MARK1: variants seen among roughly 807,000 people sequenced by gnomAD.
MARK1 encodes the protein microtubule affinity regulating kinase 1.
In MARK1, 40 loss-of-function variants were observed where a neutral mutation model predicts 96.3. That is an observed-to-expected ratio of 0.42 (90% CI 0.32 to 0.54). MARK1 has a LOEUF of 0.54. Among genes scored for constraint, MARK1 ranks in the 20% least tolerant of loss-of-function variants. The probability of loss-of-function intolerance (pLI) is 0.16; values close to 1 mark genes in which losing one functional copy is unlikely to be tolerated. For synonymous variants in MARK1, 317 were observed against 341.2 expected (o/e 0.93, Z 0.78); for missense variants, 719 against 984.6 (o/e 0.73, Z 3.61).
At chr1:220,615,299 G>A (rs1666676443) in intron 6 of MARK1, among the ~76,000 whole-genome samples, 1 of 152,090 alleles carries the variant, frequency 6.6e-6, no homozygotes. Flanking sequence ...TCAAGTTACA[G>A]GCATAGAATA....
intron 3 of MARK1, among the ~76,000 whole-genome samples, chr1:220,586,884 A>T (rs1664661923): frequency 6.6e-6 from 1 of 152,180 alleles, no homozygotes; most frequent in African/African-American, 2.4e-5. Context: ...AAACTAGTCT[A>T]TTTTTAATTT....
At chr1:220,579,013 T>A (rs961412539) in intron 1 of MARK1, among the ~76,000 whole-genome samples, 1 of 151,984 alleles carries the variant, frequency 6.6e-6, no homozygotes, top group African/African-American at 2.4e-5. Flanking sequence ...CGGCTAATTT[T>A]TGTGTTTTTG....
At chr1:220,535,610 TCTC>T (rs1468353585) in intron 1 of MARK1, among the ~76,000 whole-genome samples, 2 of 152,194 alleles carry the variant, frequency 1.3e-5, no homozygotes, top group African/African-American at 4.8e-5. Flanking sequence ...ATGAAGCTCT[TCTC>T]CTATGTTTTC....
At chr1:220,653,036 T>C in intron 15 of MARK1, 65 bp from the exon 16 acceptor site, 1 of 1,577,524 alleles carries the variant, frequency 6.3e-7, no homozygotes. Context: ...GTTTCAAGTT[T>C]TTAGCTTGAG....
chr1:220,558,824 G>A (rs1662470279), intron 1 of MARK1, among the ~76,000 whole-genome samples: 1 of 152,016 alleles, frequency 6.6e-6, no homozygotes. Flanking sequence ...TTACTCAATG[G>A]AAATGTATAG....
At chr1:220,634,730 C>T (rs1572209965) in intron 11 of MARK1, among the ~76,000 whole-genome samples, 1 of 152,114 alleles carries the variant, frequency 6.6e-6, no homozygotes, top group African/African-American at 2.4e-5. Context: ...TTGCTGGCAG[C>T]AAACAACTTG....
chr1:220,574,618 ACTTCCCTT>A (rs1362234198), intron 1 of MARK1, among the ~76,000 whole-genome samples: 1 of 152,152 alleles, frequency 6.6e-6, no homozygotes, highest in East Asian at 1.9e-4. Flanking sequence ...TCAATGATCA[ACTTCCCTT>A]AAGACTTTGC....
intron 1 of MARK1, among the ~76,000 whole-genome samples, chr1:220,548,283 T>C (rs1661633924): frequency 6.6e-6 from 1 of 152,250 alleles, no homozygotes; most frequent in Non-Finnish European, 1.5e-5. Flanking sequence ...TCATAAAATT[T>C]CAATGTACTT....
chr1:220,643,729 G>C (rs1012190567), intron 13 of MARK1, among the ~76,000 whole-genome samples: 1 of 152,230 alleles, frequency 6.6e-6, no homozygotes, highest in Non-Finnish European at 1.5e-5. Flanking sequence ...GGACCTGTCA[G>C]TGTAAACCCT....
Position 220,616,166 on chromosome 1 carries a change from G to C in MARK1, c.552+171G>C, listed in dbSNP as rs529087209. The stretch of plus-strand genomic sequence containing the variant: ...TTATGAAAGGTAATATTTTCACTGA[G>C]CAAATGAAGAAAATATGAGTGATAA... On this transcript the variant is annotated intron_variant, in intron 7 of 17. Transcript: ENST00000366917. 3.9e-5 allele frequency among the ~76,000 whole-genome samples: 6 copies of C among 152,206 alleles called. No homozygotes were observed. The East Asian group carries it at 1.2e-3, about 29-fold the overall frequency.
At position 220,581,092 on chromosome 1, in the gene MARK1, C is replaced by A; in HGVS notation, c.283C>A (p.Gln95Lys). Residue 95 changes from glutamine to lysine, a missense_variant, in exon 3 of 18, where the codon CAG becomes AAG. By Grantham distance (53) the Gln-to-Lys change is moderately conservative (BLOSUM62 1). Coordinates refer to ENST00000366917, the MANE Select transcript of MARK1 (RefSeq NM_018650.5). ...TGCTGTGAAAATAATAGACAAAACTCAGCTAAATCCTACCAGTCTACAAAA... is the reference window on the plus strand; with the variant it reads ...TGCTGTGAAAATAATAGACAAAACTAAGCTAAATCCTACCAGTCTACAAAA... ...EVAVKIIDKT[Q>K]LNPTSLQKLF... is the part of the protein sequence containing the mutation. The A allele has an allele frequency of 7.8e-7, 1 of 1,287,002 alleles. No individual in the cohort carries two copies. The highest frequency in any genetic ancestry group is 2.7e-5 in the East Asian group (1 of 37,258). 79.7% of individuals were successfully genotyped at this position (1,287,002 alleles called of 1,614,324 possible).
intron 13 of MARK1, among the ~76,000 whole-genome samples, chr1:220,648,810 C>G (rs1195364889): frequency 6.6e-6 from 1 of 152,072 alleles, no homozygotes; most frequent in Non-Finnish European, 1.5e-5. Context: ...TTTCAGTAAT[C>G]CTGTGCAGTT....
At chr1:220,560,580 G>A (rs1662601803) in intron 1 of MARK1, among the ~76,000 whole-genome samples, 1 of 152,142 alleles carries the variant, frequency 6.6e-6, no homozygotes, top group Non-Finnish European at 1.5e-5. Context: ...TGCCGAGACA[G>A]CCTATCTGAT....
chr1:220,565,926 A>C (rs1361909518), intron 1 of MARK1, among the ~76,000 whole-genome samples: 1 of 152,114 alleles, frequency 6.6e-6, no homozygotes, highest in Non-Finnish European at 1.5e-5. Context: ...AGAGACTGTT[A>C]ATGTTGGGAT....
intron 1 of MARK1, among the ~76,000 whole-genome samples, chr1:220,570,867 G>T (rs141046252): frequency 0.015 from 2,358 of 152,208 alleles, 34 homozygotes; most frequent in Middle Eastern, 0.044. Flanking sequence ...AGGAACATAT[G>T]GTACAATTTC....
At chr1:220,626,407 A>G (rs920787176) in intron 9 of MARK1, 2 of 547,692 alleles carry the variant, frequency 3.7e-6, no homozygotes, top group Middle Eastern at 3.8e-4. Flanking sequence ...TTATGCTGTT[A>G]ACTACCTGCT....
In MARK1 at chr1:220,662,376, A is replaced by G. The variant is rs1360573196; in HGVS notation, c.*210A>G. 21 of 539,694 alleles carry G rather than the reference A, an allele frequency of 3.9e-5. No homozygotes were observed. The highest frequency in any genetic ancestry group is 1.3e-4 in the Admixed American group (4 of 31,832). The allele number at this position is 539,694 out of a possible 1,614,324, so 33.4% of individuals were successfully genotyped here. A position where few individuals can be genotyped will look rare whatever the true frequency, so the allele number is the denominator to read the frequency against. ...TCTGTAGCTTAAAAAGTAGGTTCACATGTACAGGTAAGTATATTGTGTATT... is the reference window on the plus strand; with the variant it reads ...TCTGTAGCTTAAAAAGTAGGTTCACGTGTACAGGTAAGTATATTGTGTATT... On this transcript the variant is annotated 3_prime_UTR_variant, in exon 18 of 18. Coordinates refer to ENST00000366917, the MANE Select transcript of MARK1 (RefSeq NM_018650.5).
At chr1:220,592,008 T>G (rs1665018368) in intron 3 of MARK1, among the ~76,000 whole-genome samples, 3 of 151,972 alleles carry the variant, frequency 2.0e-5, no homozygotes. Context: ...AGTATTCAAT[T>G]TGGTTTGTTT....
At position 220,663,485 on chromosome 1, in the gene MARK1, A is replaced by G. The variant is rs1187561161; in HGVS notation, c.*1319A>G. 2 of 152,598 alleles carry G rather than the reference A, an allele frequency of 1.3e-5. No homozygotes were observed. The highest frequency in any genetic ancestry group is 4.8e-5 in the African/African-American group (2 of 41,432). The allele number at this position is 152,598 out of a possible 1,614,324, so 9.5% of individuals were successfully genotyped here. A position where few individuals can be genotyped will look rare whatever the true frequency, so the allele number is the denominator to read the frequency against. ...TATACTGAATTAGCCTTGGAGGTTG[A>G]CTGTGCAATGTTATTTACTGTTGTA... On this transcript the variant is annotated 3_prime_UTR_variant, in exon 18 of 18. Coordinates refer to ENST00000366917, the MANE Select transcript of MARK1 (RefSeq NM_018650.5).
Sources: gnomAD v4.1 joint callset for allele counts (sites outside exome capture counted in the v4.1 genomes callset) on GRCh38, gnomAD v4.1.1 for gene constraint, MANE v1.5 for transcripts, NCBI Gene and HGNC (gene_info 2026-07-23, HGNC 2026-07-21) for gene names.